Variants in MBD2 observed in about 807,000 individuals in gnomAD.
The protein encoded by MBD2 is methyl-CpG-binding domain protein 2.
MBD2 carries 9 observed loss-of-function variants against 39.3 expected under a neutral mutation model. That is an observed-to-expected ratio of 0.23 (90% CI 0.14 to 0.40). The LOEUF (loss-of-function observed/expected upper bound fraction) is 0.40, where lower values mean the gene tolerates loss of function less well. Among genes scored for constraint, MBD2 ranks in the 10% least tolerant of loss-of-function variants. The probability of loss-of-function intolerance (pLI) is 1.00; values close to 1 mark genes in which losing one functional copy is unlikely to be tolerated. For missense variants in MBD2, 458 were observed against 532.6 expected, an observed-to-expected ratio of 0.86 and a Z score of 1.38; for synonymous variants, 233 against 211.1, an observed-to-expected ratio of 1.10 and a Z score of -0.90.
At chr18:54,172,778 A>G (rs2086187142) in intron 3 of MBD2, among the ~76,000 whole-genome samples, 2 of 152,224 alleles carry the variant, frequency 1.3e-5, no homozygotes, top group South Asian at 4.1e-4. Flanking sequence ...TGAACAACCA[A>G]TGTTCAAACT....
At chr18:54,172,388 A>C (rs2086184472) in intron 3 of MBD2, among the ~76,000 whole-genome samples, 1 of 152,214 alleles carries the variant, frequency 6.6e-6, no homozygotes, top group Non-Finnish European at 1.5e-5. Flanking sequence ...CCAAGAAAAC[A>C]CTTCCAGATA....
At chr18:54,161,245 A>G (rs2086095640) in intron 5 of MBD2, among the ~76,000 whole-genome samples, 1 of 152,250 alleles carries the variant, frequency 6.6e-6, no homozygotes, top group African/African-American at 2.4e-5. Context: ...TATCTTTATT[A>G]AACTCCAAAA....
chr18:54,220,416 C>T lies in MBD2; in HGVS notation c.542+3602G>A, dbSNP rs533524285. The stretch of plus-strand genomic sequence containing the variant: ...TAACTGGCAACTAGGGGCACGCCTT[C>T]CTATTAGAACTTGGCAGTTTCAAAA... On this transcript the variant is annotated intron_variant, in intron 1 of 6. Transcript: ENST00000256429. 4.6e-5 allele frequency among the ~76,000 whole-genome samples: 7 copies of T among 152,218 alleles called. No homozygotes were observed. In the South Asian group the frequency reaches 1.0e-3, roughly 23 times the overall value.
chr18:54,166,320 G>C (rs1423879416), intron 3 of MBD2, among the ~76,000 whole-genome samples, 154 bp from the exon 4 acceptor site: 1 of 152,112 alleles, frequency 6.6e-6, no homozygotes, highest in Non-Finnish European at 1.5e-5. Context: ...TTCCAAACAT[G>C]AATTATTTCC....
intron 1 of MBD2, among the ~76,000 whole-genome samples, chr18:54,222,948 G>A (rs1447552345): frequency 6.6e-6 from 1 of 152,220 alleles, no homozygotes; most frequent in Non-Finnish European, 1.5e-5. Flanking sequence ...GCTACTTGAA[G>A]AGGACAGGAA....
intron 3 of MBD2, among the ~76,000 whole-genome samples, chr18:54,186,898 C>T (rs2086290287): frequency 6.6e-6 from 1 of 152,172 alleles, no homozygotes; most frequent in Admixed American, 6.5e-5. Flanking sequence ...TAGAACTTTG[C>T]TCTTTGGACA....
In MBD2 at chr18:54,216,284, T is replaced by C. The variant is rs918973602; in HGVS notation, c.542+7734A>G. 2.0e-5 allele frequency among the ~76,000 whole-genome samples: 3 copies of C among 152,372 alleles called. No homozygotes were observed. In the East Asian group the frequency reaches 5.8e-4, roughly 29 times the overall value. On this transcript the variant is annotated intron_variant, in intron 1 of 6. Transcript: ENST00000256429. Reference sequence around the variant, plus strand: ...TTACTTCAGCTATTCAATATTTGTATACCTGATTTAGTGCAAGGCAGGATG... The same window carrying C: ...TTACTTCAGCTATTCAATATTTGTACACCTGATTTAGTGCAAGGCAGGATG...
At chr18:54,172,900 A>C (rs1297751521) in intron 3 of MBD2, among the ~76,000 whole-genome samples, 1 of 152,236 alleles carries the variant, frequency 6.6e-6, no homozygotes, top group East Asian at 1.9e-4. Context: ...GAACAAAATG[A>C]GGAAGCGTTA....
At chr18:54,190,736 C>G (rs531768455) in intron 2 of MBD2, among the ~76,000 whole-genome samples, 1 of 152,244 alleles carries the variant, frequency 6.6e-6, no homozygotes, top group South Asian at 2.1e-4. Flanking sequence ...GGCTAAAAGT[C>G]AGTTTCCAAG....
Position 54,224,308 on chromosome 18 carries a change from C to A in MBD2, c.252G>T (p.Arg84=), listed in dbSNP as rs2086643279. 9 of 960,524 alleles carry A rather than the reference C, an allele frequency of 9.4e-6. No individual in the cohort carries two copies. Among genetic ancestry groups the A allele is most frequent in the Admixed American group, 6.2e-5 (1 of 16,210 alleles). The allele number at this position is 960,524 out of a possible 1,614,324, so 59.5% of individuals were successfully genotyped here. The change falls in exon 1 of 7, where the codon CGG becomes CGT. Residue 84 remains arginine, a synonymous_variant. Transcript: ENST00000256429. ...CGRGRGRGRG[R]GRGRGRGRGR... is the part of the protein sequence containing the mutation. ...CCCGGCCCCGGCCCCGTCCCCGTCCCCGGCCACGGCCCCGGCCCCGGCCAC... is the reference window on the plus strand; with the variant it reads ...CCCGGCCCCGGCCCCGTCCCCGTCCACGGCCACGGCCCCGGCCCCGGCCAC...
At chr18:54,178,126 G>A (rs184240531) in intron 3 of MBD2, among the ~76,000 whole-genome samples, 1 of 152,104 alleles carries the variant, frequency 6.6e-6, no homozygotes, top group Non-Finnish European at 1.5e-5. Flanking sequence ...ACAGGCATAA[G>A]CCACCATGCC....
At chr18:54,183,320 T>C (rs1568084170) in intron 3 of MBD2, among the ~76,000 whole-genome samples, 1 of 152,120 alleles carries the variant, frequency 6.6e-6, no homozygotes, top group Non-Finnish European at 1.5e-5. Context: ...ATATGGATGA[T>C]AACTGAAGCC....
At chr18:54,185,084 G>C (rs1186149235) in intron 3 of MBD2, among the ~76,000 whole-genome samples, 1 of 151,350 alleles carries the variant, frequency 6.6e-6, no homozygotes, top group African/African-American at 2.5e-5. Context: ...ACTGAAAGCT[G>C]ATCTATTTTA....
At chr18:54,203,247 C>G (rs2086423212) in intron 2 of MBD2, 5 of 1,002,768 alleles carry the variant, frequency 5.0e-6, no homozygotes, top group Non-Finnish European at 7.1e-6. Context: ...TCTAAAAGTA[C>G]TCTTCATTTC....
chr18:54,183,118 G>A (rs905844899), intron 3 of MBD2, among the ~76,000 whole-genome samples: 4 of 152,162 alleles, frequency 2.6e-5, no homozygotes, highest in Admixed American at 6.5e-5. Flanking sequence ...GCAGCCAAGC[G>A]GACAGTGGTC....
chr18:54,220,685 T>C (rs1277365173), intron 1 of MBD2, among the ~76,000 whole-genome samples: 1 of 152,182 alleles, frequency 6.6e-6, no homozygotes, highest in Non-Finnish European at 1.5e-5. Context: ...TAGTGGGTGT[T>C]TGGTGAACTA....
At chr18:54,165,950 C>A (rs1421210620) in intron 4 of MBD2, 126 bp downstream of exon 4, 4 of 620,020 alleles carry the variant, frequency 6.5e-6, no homozygotes, top group Non-Finnish European at 2.9e-6. Context: ...CGTCATCCAG[C>A]AAGGCATATG....
At chr18:54,175,498 C>T (rs762647283) in intron 3 of MBD2, among the ~76,000 whole-genome samples, 1 of 152,188 alleles carries the variant, frequency 6.6e-6, no homozygotes, top group African/African-American at 2.4e-5. Context: ...CATCAATTTG[C>T]CCAACTTCTC....
chr18:54,195,880 TC>T (rs2086362011), intron 2 of MBD2, among the ~76,000 whole-genome samples: 1 of 152,266 alleles, frequency 6.6e-6, no homozygotes, highest in East Asian at 1.9e-4. Context: ...AATAAAGCTA[TC>T]CCCTGGTTCA....
Sources: allele counts gnomAD v4.1 joint callset (sites outside exome capture counted in the v4.1 genomes callset), GRCh38; gene constraint gnomAD v4.1.1; transcripts MANE v1.5; gene names NCBI Gene and HGNC (gene_info 2026-07-23, HGNC 2026-07-21).